Variants in TRPM6 observed in about 807,000 individuals in gnomAD.
TRPM6 encodes channel kinase 2.
TRPM6 carries 111 observed loss-of-function variants against 247.6 expected under a neutral mutation model. That is an observed-to-expected ratio of 0.45 (90% CI 0.38 to 0.52). The LOEUF (loss-of-function observed/expected upper bound fraction) is 0.52. Ranked by LOEUF, TRPM6 falls within the 20% of genes least tolerant of loss-of-function variation. The pLI is 0.00. For synonymous variants in TRPM6, 892 were observed against 853.8 expected (o/e 1.04, Z -0.78); for missense variants, 2,126 against 2,421.5 (o/e 0.88, Z 2.56).
chr9:74,794,844 T>C (rs1324001067), intron 18 of TRPM6, among the ~76,000 whole-genome samples: 2 of 152,000 alleles, frequency 1.3e-5, no homozygotes, highest in East Asian at 1.9e-4. Context: ...ACTTTTATTA[T>C]ATATATACAG....
intron 25 of TRPM6, among the ~76,000 whole-genome samples, chr9:74,769,131 G>T (rs369533914): frequency 7.2e-5 from 11 of 152,168 alleles, no homozygotes; most frequent in Admixed American, 3.3e-4. Context: ...TCTCTAAGAA[G>T]CAGGGCTATT....
intron 1 of TRPM6, among the ~76,000 whole-genome samples, chr9:74,886,226 A>G (rs1212753901): frequency 6.6e-6 from 1 of 152,186 alleles, no homozygotes; most frequent in African/African-American, 2.4e-5. Context: ...AACTCATGCT[A>G]ACTCCTACCC....
chr9:74,828,685 G>C lies in TRPM6; in HGVS notation c.670-736C>G, dbSNP rs1168296188. The stretch of plus-strand genomic sequence containing the variant: ...GCTCTATTGCCCAGGCTGGAGTGCA[G>C]TGGCATGATCTCAGCTCACTGCAAC... On this transcript the variant is annotated intron_variant, in intron 6 of 38. Transcript: ENST00000360774. Among the ~76,000 whole-genome samples, 4 of 147,894 alleles carry C rather than the reference G, an allele frequency of 2.7e-5. No homozygotes were observed. The Admixed American group carries it at 2.7e-4, about 10-fold the overall frequency.
At chr9:74,837,295 T>C (rs900044572) in intron 5 of TRPM6, among the ~76,000 whole-genome samples, 1 of 152,186 alleles carries the variant, frequency 6.6e-6, no homozygotes, top group Non-Finnish European at 1.5e-5. Context: ...CAGGTTCTGA[T>C]TCTGCAGGTC....
chr9:74,853,474 A>T (rs1830426405), intron 3 of TRPM6, among the ~76,000 whole-genome samples: 1 of 152,248 alleles, frequency 6.6e-6, no homozygotes, highest in Non-Finnish European at 1.5e-5. Flanking sequence ...TCTGTGCGGA[A>T]ATAAGTAGAC....
chr9:74,797,032 T>A, intron 17 of TRPM6, 139 bp from the exon 18 acceptor site: 1 of 796,908 alleles, frequency 1.3e-6, no homozygotes, highest in Non-Finnish European at 2.0e-6. Context: ...CTATAAATAA[T>A]TTTTTGACTC....
chr9:74,790,384 A>G (rs954787416), intron 19 of TRPM6, among the ~76,000 whole-genome samples: 8 of 152,200 alleles, frequency 5.3e-5, no homozygotes, highest in African/African-American at 1.4e-4. Context: ...TGTTCTTTCA[A>G]GCAACTTAAA....
At chr9:74,777,956 C>T (rs1280624096) in intron 23 of TRPM6, among the ~76,000 whole-genome samples, 1 of 152,216 alleles carries the variant, frequency 6.6e-6, no homozygotes, top group Non-Finnish European at 1.5e-5. Context: ...TCACTCTTTT[C>T]TCTTTAAACA....
At chr9:74,821,240 G>C (rs974030198) in intron 8 of TRPM6, among the ~76,000 whole-genome samples, 1 of 152,104 alleles carries the variant, frequency 6.6e-6, no homozygotes, top group African/African-American at 2.4e-5. Flanking sequence ...AAATAAGCAC[G>C]ACATATGCTA....
intron 27 of TRPM6, among the ~76,000 whole-genome samples, chr9:74,755,717 C>T (rs1826410136): frequency 6.6e-6 from 1 of 152,166 alleles, no homozygotes; most frequent in Non-Finnish European, 1.5e-5. Flanking sequence ...CTTGAGTGCA[C>T]ATCAGAATCA....
chr9:74,840,356 G>A lies in TRPM6; in HGVS notation c.331-119C>T, dbSNP rs565921309. 1.8e-5 allele frequency: 13 copies of A among 713,742 alleles called. No individual in the cohort carries two copies. In the South Asian group the frequency reaches 1.8e-4, roughly 10 times the overall value. 44.2% of individuals were successfully genotyped at this position (713,742 alleles called of 1,614,324 possible). On this transcript the variant is annotated intron_variant, in intron 4 of 38. Transcript: ENST00000360774. ...CCAAAATCTAAAAGGAAGTATGTGG[G>A]ATCTCTTTAAAGTTCATCTTCATGT...
intron 38 of TRPM6, among the ~76,000 whole-genome samples, chr9:74,727,297 G>A (rs1466575938): frequency 6.7e-6 from 1 of 149,646 alleles, no homozygotes; most frequent in Non-Finnish European, 1.5e-5. Flanking sequence ...CAGGAGAATC[G>A]CTTGAACCCG....
intron 27 of TRPM6, among the ~76,000 whole-genome samples, chr9:74,757,047 G>A (rs1311389485): frequency 6.6e-6 from 1 of 151,744 alleles, no homozygotes; most frequent in African/African-American, 2.4e-5. Context: ...GTGTGGTAGT[G>A]TATGCCTATA....
At position 74,862,753 on chromosome 9, in the gene TRPM6, G is replaced by A. The variant is rs551067938; in HGVS notation, c.34-4005C>T. On this transcript the variant is annotated intron_variant, in intron 1 of 38. Coordinates refer to ENST00000360774, the MANE Select transcript of TRPM6 (RefSeq NM_017662.5). ...TCCCGGCACTTTGGGAGGCCAAGGC[G>A]AGCAAGTCACTTGAGGTCAGGAGTT... Among the ~76,000 whole-genome samples, 13 of 152,264 alleles carry A rather than the reference G, an allele frequency of 8.5e-5. No individual in the cohort carries two copies. In the East Asian group the frequency reaches 2.1e-3, roughly 25 times the overall value.
At chr9:74,788,484 G>C in intron 20 of TRPM6, 130 bp downstream of exon 20, 2 of 1,076,464 alleles carry the variant, frequency 1.9e-6, no homozygotes, top group Non-Finnish European at 2.9e-6. Context: ...TGTAAGTCAA[G>C]GTCAGTGTGT....
At chr9:74,755,253 C>A in intron 28 of TRPM6, 100 bp downstream of exon 28, 1 of 1,245,800 alleles carries the variant, frequency 8.0e-7, no homozygotes, top group Non-Finnish European at 1.2e-6. Context: ...TCCCTCATCT[C>A]CATGTGAAAG....
intron 1 of TRPM6, chr9:74,887,194 G>A: frequency 1.6e-6 from 2 of 1,230,242 alleles, no homozygotes; most frequent in Non-Finnish European, 2.1e-6. Context: ...GCGCCGCGTT[G>A]GGGAAGGAAG....
Position 74,782,391 on chromosome 9 carries a change from G to C in TRPM6, c.3180C>G (p.Ile1060Met), listed in dbSNP as rs377616915. 1.2e-6 allele frequency: 2 copies of C among 1,613,876 alleles called. No homozygotes were observed. The highest frequency in any genetic ancestry group is 1.7e-6 in the Non-Finnish European group (2 of 1,179,836). Residue 1060 changes from isoleucine to methionine, a missense_variant, in exon 23 of 39, where the codon ATC becomes ATG. Transcript: ENST00000360774. ...QAVYLFVQYIIMVNLLIAFFN... is the reference protein window; with the variant it reads ...QAVYLFVQYIMMVNLLIAFFN... ...AGAAAGCAATCAACAGGTTCACCAT[G>C]ATGATATATTGCACGAAGAGGTAGA...
At chr9:74,831,947 T>C (rs1023187908) in intron 6 of TRPM6, among the ~76,000 whole-genome samples, 1 of 152,214 alleles carries the variant, frequency 6.6e-6, no homozygotes, top group Non-Finnish European at 1.5e-5. Flanking sequence ...TGTAAACTAA[T>C]AAACAAAGGA....
Sources: gnomAD v4.1 joint callset for allele counts (sites outside exome capture counted in the v4.1 genomes callset) on GRCh38, gnomAD v4.1.1 for gene constraint, MANE v1.5 for transcripts, NCBI Gene and HGNC (gene_info 2026-07-23, HGNC 2026-07-21) for gene names.